ANO10: variants seen among roughly 807,000 people sequenced by gnomAD.
ANO10 encodes the protein anoctamin 10, also known as anoctamin-10.
ANO10 carries 77 observed loss-of-function variants against 74.7 expected under a neutral mutation model. That is an observed-to-expected ratio of 1.03 (90% CI 0.86 to 1.25). ANO10 has a LOEUF of 1.25. Among genes scored for constraint, ANO10 ranks in the 50% most tolerant of loss-of-function variants. ANO10 has a pLI of 0.00. For missense variants in ANO10, 721 were observed against 778.1 expected (o/e 0.93, Z 0.87); for synonymous variants, 279 against 284.9 (o/e 0.98, Z 0.21).
At position 43,366,850 on chromosome 3, in the gene ANO10, C is replaced by G. The variant is rs1454208488; in HGVS notation, c.*56G>C. Reference sequence around the variant, plus strand: ...CCGGGTACCCCCCCTGCCACCGTGGCAGGTGTGGCACAGACACAGGCCTCT... The same window carrying G: ...CCGGGTACCCCCCCTGCCACCGTGGGAGGTGTGGCACAGACACAGGCCTCT... On this transcript the variant is annotated 3_prime_UTR_variant, in exon 13 of 13. Coordinates refer to ENST00000292246, the MANE Select transcript of ANO10 (RefSeq NM_018075.5). 47 of 1,520,518 alleles carry G rather than the reference C, an allele frequency of 3.1e-5. No individual in the cohort carries two copies. Among genetic ancestry groups the G allele is most frequent in the Non-Finnish European group, 4.0e-5 (45 of 1,118,574 alleles). The allele number at this position is 1,520,518 out of a possible 1,614,324, so 94.2% of individuals were successfully genotyped here. A position where few individuals can be genotyped will look rare whatever the true frequency, so the allele number is the denominator to read the frequency against.
At chr3:43,477,859 A>T (rs1257526414) in intron 11 of ANO10, among the ~76,000 whole-genome samples, 2 of 152,196 alleles carry the variant, frequency 1.3e-5, no homozygotes, top group African/African-American at 4.8e-5. Flanking sequence ...ACAATTGGAC[A>T]GACCTCTTTG....
At chr3:43,474,993 CA>C (rs1177159748) in intron 11 of ANO10, among the ~76,000 whole-genome samples, 2 of 151,936 alleles carry the variant, frequency 1.3e-5, no homozygotes, top group Non-Finnish European at 2.9e-5. Context: ...ACAGAAAAGC[CA>C]AAATAAATAA....
At chr3:43,483,574 T>C (rs192946840) in intron 11 of ANO10, among the ~76,000 whole-genome samples, 4 of 152,316 alleles carry the variant, frequency 2.6e-5, no homozygotes, top group African/African-American at 9.6e-5. Flanking sequence ...ACATGATTGA[T>C]AAATGTTAAC....
chr3:43,599,892 C>A (rs1056435408), intron 3 of ANO10, among the ~76,000 whole-genome samples: 1 of 148,644 alleles, frequency 6.7e-6, no homozygotes, highest in South Asian at 2.1e-4. Flanking sequence ...GGCGACAGAG[C>A]GAGACTCTGT....
intron 11 of ANO10, among the ~76,000 whole-genome samples, chr3:43,486,707 A>C (rs866900011): frequency 6.7e-6 from 1 of 150,098 alleles, no homozygotes; most frequent in African/African-American, 2.5e-5. Flanking sequence ...TTTTGGGCTG[A>C]GACAATGGGG....
chr3:43,523,942 T>C (rs561239848), intron 11 of ANO10, among the ~76,000 whole-genome samples: 2 of 149,954 alleles, frequency 1.3e-5, no homozygotes, highest in African/African-American at 2.5e-5. Context: ...GATGAGCTCA[T>C]CCAGGGGCTA....
intron 1 of ANO10, among the ~76,000 whole-genome samples, chr3:43,631,616 C>A (rs919925350): frequency 6.6e-6 from 1 of 151,752 alleles, no homozygotes; most frequent in Non-Finnish European, 1.5e-5. Flanking sequence ...TAAAAATATT[C>A]TCATTGTATG....
chr3:43,653,215 G>GA (rs923898741), intron 1 of ANO10, among the ~76,000 whole-genome samples: 7 of 148,298 alleles, frequency 4.7e-5, no homozygotes, highest in South Asian at 2.1e-4. Flanking sequence ...GTCTCAAAAA[G>GA]AAAAAAAAAG....
chr3:43,449,204 AG>A (rs2074731374), intron 11 of ANO10, among the ~76,000 whole-genome samples: 1 of 152,004 alleles, frequency 6.6e-6, no homozygotes, highest in Non-Finnish European at 1.5e-5. Flanking sequence ...TTGAGTTTCA[AG>A]AGTTTTTTTT....
At chr3:43,476,413 T>C (rs1004312040) in intron 11 of ANO10, among the ~76,000 whole-genome samples, 1 of 152,186 alleles carries the variant, frequency 6.6e-6, no homozygotes, top group Admixed American at 6.5e-5. Context: ...GGGTCTGTAG[T>C]GGTCTACTAG....
intron 12 of ANO10, chr3:43,372,790 G>A (rs146629436): frequency 7.3e-6 from 11 of 1,511,512 alleles, no homozygotes; most frequent in African/African-American, 1.4e-5. Flanking sequence ...ACAGTGCCTG[G>A]CACTGAGTTG....
intron 11 of ANO10, among the ~76,000 whole-genome samples, chr3:43,456,747 G>C (rs2075146933): frequency 6.6e-6 from 1 of 152,198 alleles, no homozygotes; most frequent in African/African-American, 2.4e-5. Context: ...CACAGATGCA[G>C]GAATTAATAC....
chr3:43,434,415 C>G (rs2093036548), intron 11 of ANO10, among the ~76,000 whole-genome samples: 1 of 152,220 alleles, frequency 6.6e-6, no homozygotes, highest in East Asian at 1.9e-4. Context: ...ACTGTTATTT[C>G]ATTCCATTAG....
intron 12 of ANO10, among the ~76,000 whole-genome samples, chr3:43,422,156 G>A (rs976165011): frequency 3.3e-5 from 5 of 152,004 alleles, no homozygotes; most frequent in Non-Finnish European, 5.9e-5. Context: ...TCGCTCTGTC[G>A]CCCAGGCTGG....
intron 4 of ANO10, among the ~76,000 whole-genome samples, chr3:43,583,883 CATAAT>C (rs776739247): frequency 6.6e-6 from 1 of 152,210 alleles, no homozygotes; most frequent in Non-Finnish European, 1.5e-5. Context: ...ATATTAAAGA[CATAAT>C]ATATGTGCCA....
chr3:43,596,575 A>T (rs2082095725), intron 4 of ANO10, among the ~76,000 whole-genome samples: 1 of 152,182 alleles, frequency 6.6e-6, no homozygotes, highest in Non-Finnish European at 1.5e-5. Flanking sequence ...GAAAGCTGAA[A>T]CTGTACCCCT....
chr3:43,565,075 A>G (rs1303580195), intron 8 of ANO10, among the ~76,000 whole-genome samples: 1 of 152,242 alleles, frequency 6.6e-6, no homozygotes, highest in East Asian at 1.9e-4. Flanking sequence ...CAATCTCAGA[A>G]TATTAAAACT....
chr3:43,657,949 A>G (rs2083876042), intron 1 of ANO10, among the ~76,000 whole-genome samples: 1 of 152,214 alleles, frequency 6.6e-6, no homozygotes, highest in Non-Finnish European at 1.5e-5. Context: ...TAAGATGTGT[A>G]TTCCGTCTGG....
intron 4 of ANO10, among the ~76,000 whole-genome samples, chr3:43,592,096 C>T (rs2081801627): frequency 6.6e-6 from 1 of 152,216 alleles, no homozygotes; most frequent in Admixed American, 6.5e-5. Context: ...ACAAAGCAGC[C>T]TGGAAGCTCG....
Sources: allele counts gnomAD v4.1 joint callset (sites outside exome capture counted in the v4.1 genomes callset), GRCh38; gene constraint gnomAD v4.1.1; transcripts MANE v1.5; gene names NCBI Gene and HGNC (gene_info 2026-07-23, HGNC 2026-07-21).